Variants in ATP10D observed in about 807,000 individuals in gnomAD.
ATP10D encodes the protein phospholipid-transporting ATPase VD.
ATP10D carries 89 observed loss-of-function variants against 144.8 expected under a neutral mutation model. The observed-to-expected ratio is 0.61, with a 90% CI of 0.52 to 0.73. The LOEUF is 0.73. ATP10D is among the 30% of genes least tolerant of loss of function. ATP10D has a pLI of 0.00. For missense variants in ATP10D, 1,603 were observed against 1,714.8 expected, an observed-to-expected ratio of 0.93 and a Z score of 1.15; for synonymous variants, 571 against 615.1, an observed-to-expected ratio of 0.93 and a Z score of 1.06.
In ATP10D at chr4:47,587,225, C is replaced by T. The variant is rs756497203; in HGVS notation, c.3941+19C>T. On this transcript the variant is annotated intron_variant, in intron 22 of 22. Transcript: ENST00000273859. ...TGCCCAGGTATGGTATTTATTTTAT[C>T]ATTGAGAGAATAAATGGAATCATAG... The T allele has an allele frequency of 6.3e-7, 1 of 1,592,054 alleles. No homozygotes were observed. The highest frequency in any genetic ancestry group is 1.1e-5 in the South Asian group (1 of 88,340).
intron 9 of ATP10D, 63 bp from the exon 10 acceptor site, chr4:47,546,561 G>C: frequency 7.0e-7 from 1 of 1,435,494 alleles, no homozygotes; most frequent in South Asian, 1.2e-5. Context: ...GTAACTGCCT[G>C]ATATATTCAA....
intron 9 of ATP10D, among the ~76,000 whole-genome samples, chr4:47,546,294 G>A (rs930576296): frequency 6.6e-6 from 1 of 151,444 alleles, no homozygotes; most frequent in Non-Finnish European, 1.5e-5. Flanking sequence ...TGAGTTCAGG[G>A]AGGTGAGATT....
At chr4:47,562,568 A>G (rs1329369136) in intron 14 of ATP10D, among the ~76,000 whole-genome samples, 2 of 152,224 alleles carry the variant, frequency 1.3e-5, no homozygotes, top group African/African-American at 4.8e-5. Context: ...TGCAGAGAAA[A>G]GGGAACGCTT....
chr4:47,591,150 G>T lies in ATP10D; in HGVS notation c.4050G>T (p.Trp1350Cys), dbSNP rs748917696. Reference sequence around the variant, plus strand: ...AGAGGACTAAAGCTCTCAAGAAGTGGAGAGGGGCTGGAAAGATGAATCAAG... The same window carrying T: ...AGAGGACTAAAGCTCTCAAGAAGTGTAGAGGGGCTGGAAAGATGAATCAAG... ...PEERTKALKK[W>C]RGAGKMNQVT... The change falls in exon 23 of 23, where the codon TGG (tryptophan) becomes TGT (cysteine). Residue 1350 changes from tryptophan to cysteine, a missense_variant. Trp to Cys is a radical substitution (Grantham distance 215). Transcript: ENST00000273859. 1 of 1,613,586 alleles carries T rather than the reference G, an allele frequency of 6.2e-7. No homozygotes were observed.
At chr4:47,515,453 C>T (rs1716583326) in intron 2 of ATP10D, 23 bp from the exon 3 acceptor site, 1 of 1,594,308 alleles carries the variant, frequency 6.3e-7, no homozygotes, top group Admixed American at 1.7e-5. Context: ...CTTAACACCT[C>T]CCTTTGTGTG....
At position 47,515,488 on chromosome 4, in the gene ATP10D, A is replaced by G; in HGVS notation, c.303A>G (p.Leu101=). ...LFEQFHRAAN[L]YFLFLVVLNW... is the part of the protein sequence containing the mutation. The stretch of plus-strand genomic sequence containing the variant: ...GTTTGGGTTGCAGAGCTGCCAATTT[A>G]TATTTCCTGTTCCTAGTTGTCCTGA... The change falls in exon 3 of 23, where the codon TTA becomes TTG. Residue 101 remains leucine, a synonymous_variant. Coordinates refer to ENST00000273859, the MANE Select transcript of ATP10D (RefSeq NM_020453.4). 6.2e-7 allele frequency: 1 copy of G among 1,610,984 alleles called. No individual in the cohort carries two copies. The highest frequency in any genetic ancestry group is 8.5e-7 in the Non-Finnish European group (1 of 1,178,604).
At chr4:47,539,631 A>G (rs529805920) in intron 9 of ATP10D, among the ~76,000 whole-genome samples, 1 of 152,184 alleles carries the variant, frequency 6.6e-6, no homozygotes, top group African/African-American at 2.4e-5. Flanking sequence ...TCATTATTCC[A>G]TAAAATGGAA....
intron 10 of ATP10D, among the ~76,000 whole-genome samples, chr4:47,554,381 G>A (rs1019642894): frequency 6.6e-6 from 1 of 152,100 alleles, no homozygotes; most frequent in African/African-American, 2.4e-5. Flanking sequence ...ATCTATGACC[G>A]AGGTAGAATT....
At chr4:47,581,084 C>T (rs905075987) in intron 20 of ATP10D, among the ~76,000 whole-genome samples, 1 of 151,950 alleles carries the variant, frequency 6.6e-6, no homozygotes, top group Admixed American at 6.6e-5. Context: ...AGAGGCAATG[C>T]CAGAATATGA....
chr4:47,487,075 C>T (rs1240555528), intron 1 of ATP10D, among the ~76,000 whole-genome samples: 1 of 151,834 alleles, frequency 6.6e-6, no homozygotes, highest in Non-Finnish European at 1.5e-5. Context: ...ACTAAAAATA[C>T]AAAATTGGCT....
At chr4:47,547,255 A>G (rs1468542043) in intron 10 of ATP10D, 3 of 196,462 alleles carry the variant, frequency 1.5e-5, no homozygotes, top group Admixed American at 5.3e-5. Flanking sequence ...TTCATAGGCC[A>G]TGTGGTACAT....
intron 4 of ATP10D, among the ~76,000 whole-genome samples, chr4:47,524,262 G>C (rs1288216719): frequency 3.3e-5 from 5 of 151,880 alleles, no homozygotes; most frequent in Admixed American, 3.3e-4. Flanking sequence ...TTAAGTCAGG[G>C]TTACTCCGTC....
At chr4:47,549,556 A>T (rs771341720) in intron 10 of ATP10D, among the ~76,000 whole-genome samples, 1 of 152,252 alleles carries the variant, frequency 6.6e-6, no homozygotes, top group Non-Finnish European at 1.5e-5. Flanking sequence ...AATGGAAGGC[A>T]TGGCACAATA....
chr4:47,527,320 C>T (rs1446088693), intron 5 of ATP10D, among the ~76,000 whole-genome samples: 4 of 152,048 alleles, frequency 2.6e-5, no homozygotes, highest in Non-Finnish European at 5.9e-5. Flanking sequence ...GAATCCTAGA[C>T]TTAAATGTAC....
chr4:47,586,027 G>A (rs887694512), intron 21 of ATP10D, among the ~76,000 whole-genome samples: 2 of 152,168 alleles, frequency 1.3e-5, no homozygotes, highest in Admixed American at 6.5e-5. Context: ...TGGGATTGCT[G>A]GATCATACAG....
intron 1 of ATP10D, among the ~76,000 whole-genome samples, chr4:47,498,095 A>G (rs1715490690): frequency 6.6e-6 from 1 of 152,170 alleles, no homozygotes; most frequent in Admixed American, 6.5e-5. Flanking sequence ...TATCATTGCC[A>G]TTTTCCTCAT....
At chr4:47,540,318 C>T (rs1278850699) in intron 9 of ATP10D, among the ~76,000 whole-genome samples, 2 of 152,142 alleles carry the variant, frequency 1.3e-5, no homozygotes, top group African/African-American at 4.8e-5. Flanking sequence ...ACTAAACACA[C>T]CTGACAACAC....
chr4:47,499,188 C>T (rs1715557128), intron 1 of ATP10D, among the ~76,000 whole-genome samples: 1 of 152,122 alleles, frequency 6.6e-6, no homozygotes, highest in South Asian at 2.1e-4. Context: ...TCATGAGGTT[C>T]GTGCCTGATC....
intron 10 of ATP10D, among the ~76,000 whole-genome samples, chr4:47,553,921 G>A (rs1347926133): frequency 1.3e-5 from 2 of 152,154 alleles, no homozygotes; most frequent in African/African-American, 2.4e-5. Flanking sequence ...TGGTGCTTTT[G>A]TACAACCTTG....
Sources: allele counts gnomAD v4.1 joint callset (sites outside exome capture counted in the v4.1 genomes callset), GRCh38; gene constraint gnomAD v4.1.1; transcripts MANE v1.5; gene names NCBI Gene and HGNC (gene_info 2026-07-23, HGNC 2026-07-21).